Variants in ANKRD11 observed in about 807,000 individuals in gnomAD.
ANKRD11 encodes the protein ankyrin repeat domain 11.
Under a neutral mutation model 195.7 loss-of-function variants are expected in ANKRD11, and 17 were observed. That is an observed-to-expected ratio of 0.09 (90% CI 0.06 to 0.13). The LOEUF (loss-of-function observed/expected upper bound fraction) is 0.13, where lower values mean the gene tolerates loss of function less well. ANKRD11 is among the 10% of genes least tolerant of loss of function. ANKRD11 has a pLI of 1.00. For synonymous variants in ANKRD11, 1,953 were observed against 1,528.1 expected (o/e 1.28, Z -6.49); for missense variants, 3,735 against 3,566.1 (o/e 1.05, Z -1.21).
chr16:89,345,013 G>T (rs1046301895), intron 2 of ANKRD11, among the ~76,000 whole-genome samples: 1 of 152,186 alleles, frequency 6.6e-6, no homozygotes, highest in African/African-American at 2.4e-5. Context: ...CGCAGATGAG[G>T]CAGGAGGAAC....
In ANKRD11 at chr16:89,305,255, C is replaced by A; in HGVS notation, c.177G>T (p.Lys59Asn). The A allele has an allele frequency of 6.2e-7, 1 of 1,613,916 alleles. No individual in the cohort carries two copies. Among genetic ancestry groups the A allele is most frequent in the Non-Finnish European group, 8.5e-7 (1 of 1,179,902 alleles). Residue 59 changes from lysine (K) to asparagine (N), a missense_variant, in exon 4 of 13, where the codon AAG becomes AAT. By Grantham distance (94) the Lys-to-Asn change is moderately conservative (BLOSUM62 0). Coordinates refer to ENST00000301030, the MANE Select transcript of ANKRD11 (RefSeq NM_013275.6). ...CATTGGCGCCCGCGGTGAAGGGCAGCTTCCGCTTGCTGGCTCGCTCCCTCA... is the reference window on the plus strand; with the variant it reads ...CATTGGCGCCCGCGGTGAAGGGCAGATTCCGCTTGCTGGCTCGCTCCCTCA... ...KEVRERASKRKLPFTAGANGE... is the reference protein window; with the variant it reads ...KEVRERASKRNLPFTAGANGE...
chr16:89,286,976 C>G, intron 7 of ANKRD11: 1 of 1,289,776 alleles, frequency 7.8e-7, no homozygotes, highest in Non-Finnish European at 1.0e-6. Context: ...GTGACATGTT[C>G]TATTGTTGAA....
At chr16:89,453,821 C>G (rs1181372798) in intron 1 of ANKRD11, among the ~76,000 whole-genome samples, 1 of 152,148 alleles carries the variant, frequency 6.6e-6, no homozygotes, top group Non-Finnish European at 1.5e-5. Context: ...GGAGACAGAA[C>G]TTGTGAATTC....
intron 1 of ANKRD11, among the ~76,000 whole-genome samples, chr16:89,426,977 G>A (rs760744144): frequency 4.6e-5 from 7 of 152,196 alleles, no homozygotes; most frequent in Non-Finnish European, 8.8e-5. Flanking sequence ...CTTTTGCCAA[G>A]TAGGAACCTC....
intron 2 of ANKRD11, among the ~76,000 whole-genome samples, chr16:89,408,237 T>A (rs1373880750): frequency 6.6e-6 from 1 of 152,202 alleles, no homozygotes; most frequent in African/African-American, 2.4e-5. Flanking sequence ...CCAGCGCTGT[T>A]CCCTCAGAAG....
At chr16:89,287,273 A>G in intron 7 of ANKRD11, 2 of 385,740 alleles carry the variant, frequency 5.2e-6, no homozygotes, top group South Asian at 4.2e-5. Flanking sequence ...TCTCAGACTC[A>G]GCAGGAAAGG....
intron 1 of ANKRD11, among the ~76,000 whole-genome samples, chr16:89,427,792 CAA>C (rs200243203): frequency 8.4e-5 from 11 of 130,990 alleles, no homozygotes; most frequent in Non-Finnish European, 9.9e-5. Context: ...GAGTATGCCT[CAA>C]AAAAAAAAAA....
At chr16:89,376,629 G>C (rs1029759408) in intron 2 of ANKRD11, among the ~76,000 whole-genome samples, 5 of 152,082 alleles carry the variant, frequency 3.3e-5, no homozygotes, top group Non-Finnish European at 5.9e-5. Context: ...GCAGAGACGA[G>C]GGTTTCACCA....
rs186650642 is a variant in ANKRD11 at position 89,446,898 on chromosome 16, C to T, written c.-144-28530G>A. Among the ~76,000 whole-genome samples the T allele has an allele frequency of 8.9e-3, 1,360 of 152,240 alleles. 11 individuals carry two copies. The highest frequency in any genetic ancestry group is 0.014 in the Non-Finnish European group (984 of 68,024). ...TGCTTCTCCGCTTGTCACCCTGCCA[C>T]ACACCCTCTGTCCCTGCAGTTCCAG... is the stretch of plus-strand genomic sequence containing the variant. On this transcript the variant is annotated intron_variant, in intron 1 of 12. Coordinates refer to ENST00000301030, the MANE Select transcript of ANKRD11 (RefSeq NM_013275.6).
intron 2 of ANKRD11, among the ~76,000 whole-genome samples, chr16:89,375,704 C>T (rs1167331907): frequency 6.6e-6 from 1 of 150,512 alleles, no homozygotes; most frequent in Non-Finnish European, 1.5e-5. Context: ...ATCCGCCCAG[C>T]CTCAGCCTCC....
intron 2 of ANKRD11, among the ~76,000 whole-genome samples, chr16:89,333,004 G>A (rs2038146739): frequency 2.0e-5 from 3 of 152,300 alleles, no homozygotes; most frequent in South Asian, 4.1e-4. Context: ...CTGTGCACCC[G>A]GGGAATTTCA....
At chr16:89,278,771 G>A (rs771765623) in intron 9 of ANKRD11, 37 of 582,754 alleles carry the variant, frequency 6.3e-5, no homozygotes, top group Middle Eastern at 2.7e-4. Flanking sequence ...GAGAGTGAGC[G>A]GCGTGAAGGG....
intron 1 of ANKRD11, among the ~76,000 whole-genome samples, chr16:89,451,712 T>A (rs2044083807): frequency 6.6e-6 from 1 of 152,082 alleles, no homozygotes; most frequent in Admixed American, 6.6e-5. Flanking sequence ...CCACCGCACC[T>A]GGCCCATTTC....
intron 4 of ANKRD11, among the ~76,000 whole-genome samples, chr16:89,302,516 AC>A (rs2035922058): frequency 6.6e-6 from 1 of 152,028 alleles, no homozygotes; most frequent in African/African-American, 2.4e-5. Context: ...CTCCCAAAGT[AC>A]TGGGATTACA....
At chr16:89,477,694 C>T (rs545852413) in intron 1 of ANKRD11, among the ~76,000 whole-genome samples, 2 of 149,742 alleles carry the variant, frequency 1.3e-5, no homozygotes, top group Admixed American at 1.3e-4. Context: ...TTGGAGAGGC[C>T]GGGCGCGGTG....
At chr16:89,450,771 A>G (rs1331372343) in intron 1 of ANKRD11, among the ~76,000 whole-genome samples, 1 of 152,228 alleles carries the variant, frequency 6.6e-6, no homozygotes, top group Non-Finnish European at 1.5e-5. Context: ...TGGCGGGATT[A>G]CAGGCGTGAG....
chr16:89,281,227 G>A lies in ANKRD11; in HGVS notation c.5315C>T (p.Ser1772Leu), dbSNP rs776119333. The A allele has an allele frequency of 8.5e-5, 137 of 1,614,216 alleles. No homozygotes were observed. Among genetic ancestry groups the A allele is most frequent in the East Asian group, 1.3e-4 (6 of 44,878 alleles). Residue 1772 changes from serine to leucine, a missense_variant, in exon 9 of 13, where the codon TCG becomes TTG. Coordinates refer to ENST00000301030, the MANE Select transcript of ANKRD11 (RefSeq NM_013275.6). This position sits in a 1 kb window ranked among gnomAD's most constrained non-coding sequence, Gnocchi z 5.5. ...GGCAGGAGCCTGGCTGGCGTTTTCC[G>A]AAAGCCCACTTGAAGCCACGGAGAA... is the stretch of plus-strand genomic sequence containing the variant. ...DRFSVASSGL[S>L]ENASQAPARP...
At chr16:89,278,882 C>CA (rs2151727479) in intron 9 of ANKRD11, 190 bp downstream of exon 9, 1 of 974,024 alleles carries the variant, frequency 1.0e-6, no homozygotes, top group Non-Finnish European at 1.6e-6. Flanking sequence ...CTCGGGTCTG[C>CA]AGAACAGCTG....
At position 89,428,307 on chromosome 16, in the gene ANKRD11, G is replaced by C. The variant is rs186519163; in HGVS notation, c.-144-9939C>G. On this transcript the variant is annotated intron_variant, in intron 1 of 12. Transcript: ENST00000301030. ...TTGGGAGGCCAAGGCGGGCAGATCA[G>C]AAGGTCAGGAGATCGAGACCATCCT... Among the ~76,000 whole-genome samples, 343 of 151,516 alleles carry C rather than the reference G, an allele frequency of 2.3e-3. No individual in the cohort carries two copies. In the Middle Eastern group the frequency reaches 0.025, roughly 11 times the overall value.
Sources: allele counts gnomAD v4.1 joint callset (sites outside exome capture counted in the v4.1 genomes callset), GRCh38; gene constraint gnomAD v4.1.1; non-coding constraint Gnocchi (gnomAD v3.1); transcripts MANE v1.5; gene names NCBI Gene and HGNC (gene_info 2026-07-23, HGNC 2026-07-21).